The following SLC30A9 variants were observed in gnomAD, a reference collection of about 807,000 sequenced individuals.
SLC30A9 encodes the protein solute carrier family 30 member 9.
SLC30A9 carries 58 observed loss-of-function variants against 87.5 expected under a neutral mutation model. The observed-to-expected ratio is 0.66, with a 90% confidence interval of 0.54 to 0.82. The LOEUF is 0.82. Ranked by LOEUF, SLC30A9 falls within the 40% of genes least tolerant of loss-of-function variation. The probability of loss-of-function intolerance (pLI) is 0.00; values close to 1 mark genes in which losing one functional copy is unlikely to be tolerated. For missense variants in SLC30A9, 557 were observed against 679.1 expected (o/e 0.82, Z 2.00); for synonymous variants, 234 against 233.0 (o/e 1.00, Z -0.04).
intron 9 of SLC30A9, among the ~76,000 whole-genome samples, chr4:42,057,656 C>T (rs897709373): frequency 5.9e-5 from 9 of 152,174 alleles, no homozygotes; most frequent in Non-Finnish European, 8.8e-5. Context: ...GAGACATTTT[C>T]CCCCTTTTCT....
intron 15 of SLC30A9, 91 bp downstream of exon 15, chr4:42,070,782 T>G: frequency 9.2e-7 from 1 of 1,083,828 alleles, no homozygotes; most frequent in South Asian, 2.2e-5. Context: ...AGAGGAAGTT[T>G]TGGATTCCTC....
intron 3 of SLC30A9, among the ~76,000 whole-genome samples, chr4:42,019,729 T>G (rs1715866531): frequency 6.6e-6 from 1 of 152,204 alleles, no homozygotes; most frequent in South Asian, 2.1e-4. Flanking sequence ...TTCTACTTTG[T>G]ATGAAATGCT....
At chr4:42,002,507 A>G (rs1190732991) in intron 2 of SLC30A9, among the ~76,000 whole-genome samples, 1 of 152,000 alleles carries the variant, frequency 6.6e-6, no homozygotes, top group African/African-American at 2.4e-5. Context: ...GCTCCTAGTT[A>G]TAAGTGAGAA....
At chr4:42,057,225 AG>A (rs948246706) in intron 9 of SLC30A9, among the ~76,000 whole-genome samples, 7 of 152,170 alleles carry the variant, frequency 4.6e-5, no homozygotes, top group African/African-American at 1.7e-4. Flanking sequence ...GTGGTGTCCC[AG>A]TAGGTTTTCT....
intron 2 of SLC30A9, among the ~76,000 whole-genome samples, chr4:42,014,678 A>T (rs1345763779): frequency 6.6e-6 from 1 of 152,194 alleles, no homozygotes; most frequent in African/African-American, 2.4e-5. Flanking sequence ...AAATGAATGG[A>T]TAAAGAAGAT....
At chr4:42,041,092 A>C (rs989626741) in intron 8 of SLC30A9, among the ~76,000 whole-genome samples, 4 of 152,112 alleles carry the variant, frequency 2.6e-5, no homozygotes, top group African/African-American at 9.7e-5. Flanking sequence ...TCCCATTTTT[A>C]AAAACCATCA....
chr4:42,006,937 A>G (rs1013038647), intron 2 of SLC30A9, among the ~76,000 whole-genome samples: 2 of 152,174 alleles, frequency 1.3e-5, no homozygotes, highest in Non-Finnish European at 2.9e-5. Flanking sequence ...GTTAAGCACT[A>G]GTCAGATCGG....
intron 9 of SLC30A9, among the ~76,000 whole-genome samples, chr4:42,057,208 C>T (rs1324770957): frequency 6.6e-6 from 1 of 152,188 alleles, no homozygotes; most frequent in Non-Finnish European, 1.5e-5. Context: ...GCTCACAGCT[C>T]CACTAGGTGG....
At chr4:42,012,511 A>G (rs966960458) in intron 2 of SLC30A9, among the ~76,000 whole-genome samples, 1 of 152,210 alleles carries the variant, frequency 6.6e-6, no homozygotes, top group Non-Finnish European at 1.5e-5. Context: ...TATGGAGTAC[A>G]TGAGATGTTG....
chr4:42,079,650 C>T (rs1008613830), intron 17 of SLC30A9, among the ~76,000 whole-genome samples: 4 of 142,526 alleles, frequency 2.8e-5, no homozygotes, highest in Admixed American at 1.4e-4. Context: ...CACTGTCACC[C>T]GTGCTGGAGT....
intron 6 of SLC30A9, among the ~76,000 whole-genome samples, chr4:42,030,932 C>T (rs1325055762): frequency 6.6e-6 from 1 of 152,070 alleles, no homozygotes; most frequent in Non-Finnish European, 1.5e-5. Flanking sequence ...CTTTTACTTT[C>T]CTTTTTTCCT....
chr4:42,002,189 A>G (rs1041077400), intron 2 of SLC30A9, among the ~76,000 whole-genome samples: 3 of 150,702 alleles, frequency 2.0e-5, no homozygotes, highest in East Asian at 3.9e-4. Context: ...TTTGTATCCT[A>G]TTTCGTCAAT....
chr4:42,049,912 C>T (rs1470830790), intron 9 of SLC30A9, among the ~76,000 whole-genome samples: 1 of 152,114 alleles, frequency 6.6e-6, no homozygotes, highest in African/African-American at 2.4e-5. Context: ...ACCTTCTAAA[C>T]CCCCTGTGGC....
intron 2 of SLC30A9, among the ~76,000 whole-genome samples, chr4:42,012,833 C>A (rs570059065): frequency 1.3e-5 from 2 of 151,874 alleles, no homozygotes; most frequent in African/African-American, 4.8e-5. Context: ...CAGAAGAAAC[C>A]TGGAGTTACA....
At chr4:42,054,414 T>C (rs909764222) in intron 9 of SLC30A9, among the ~76,000 whole-genome samples, 1 of 151,982 alleles carries the variant, frequency 6.6e-6, no homozygotes, top group Non-Finnish European at 1.5e-5. Context: ...TGTATGTGAA[T>C]TTTACCTCAA....
chr4:42,051,528 T>C (rs73810501), intron 9 of SLC30A9, among the ~76,000 whole-genome samples: 146 of 152,122 alleles, frequency 9.6e-4, no homozygotes, highest in African/African-American at 2.5e-3. Context: ...AAGGAAAATA[T>C]GAACATAAGA....
chr4:42,087,428 TG>T lies in SLC30A9; in HGVS notation c.*1303del, dbSNP rs1718962102. ...TAACATGTGGACCCAACTGCCTGTG[TG>T]AGATCTGTGTCTTAAAACTTACTGG... On this transcript the variant is annotated 3_prime_UTR_variant, in exon 18 of 18. Transcript: ENST00000264451. The T allele has an allele frequency of 6.6e-6, 1 of 152,132 alleles. No individual in the cohort carries two copies. 9.4% of individuals were successfully genotyped at this position (152,132 alleles called of 1,614,324 possible). A position where few individuals can be genotyped will look rare whatever the true frequency, so the allele number is the denominator to read the frequency against.
chr4:42,031,520 A>G (rs1320798153), intron 6 of SLC30A9, among the ~76,000 whole-genome samples: 1 of 152,236 alleles, frequency 6.6e-6, no homozygotes, highest in Non-Finnish European at 1.5e-5. Context: ...AGCAATGAAT[A>G]TAGTTATTTA....
At chr4:42,080,209 T>C (rs1718702328) in intron 17 of SLC30A9, among the ~76,000 whole-genome samples, 1 of 152,158 alleles carries the variant, frequency 6.6e-6, no homozygotes, top group African/African-American at 2.4e-5. Context: ...CTTGTGAAGG[T>C]AGGGGGCACA....
Sources: gnomAD v4.1 joint callset for allele counts (sites outside exome capture counted in the v4.1 genomes callset) on GRCh38, gnomAD v4.1.1 for gene constraint, MANE v1.5 for transcripts, NCBI Gene and HGNC (gene_info 2026-07-23, HGNC 2026-07-21) for gene names.